XXYLT1: variants seen among roughly 807,000 people sequenced by gnomAD.
The protein encoded by XXYLT1 is UDP-xylose:alpha-xyloside alpha-1,3-xylosyltransferase.
A neutral mutation model predicts 28.9 loss-of-function variants in XXYLT1; 20 were observed. The observed-to-expected ratio is 0.69, with a 90% CI of 0.49 to 1.00. XXYLT1 has a LOEUF of 1.00. XXYLT1 is among the 50% of genes least tolerant of loss of function. The probability of loss-of-function intolerance (pLI) is 0.00; values close to 1 mark genes in which losing one functional copy is unlikely to be tolerated. For synonymous variants in XXYLT1, 257 were observed against 253.8 expected (o/e 1.01, Z -0.12); for missense variants, 542 against 560.1 (o/e 0.97, Z 0.33).
chr3:195,175,593 A>G, intron 2 of XXYLT1: 1 of 1,536,054 alleles, frequency 6.5e-7, no homozygotes. Flanking sequence ...AGCAGGTCTC[A>G]GATGGACACG....
At chr3:195,135,975 TG>T (rs1719173642) in intron 3 of XXYLT1, among the ~76,000 whole-genome samples, 2 of 152,294 alleles carry the variant, frequency 1.3e-5, no homozygotes, top group South Asian at 4.1e-4. Context: ...AAGCTATGAA[TG>T]GCCTGGCTGG....
At chr3:195,151,196 C>T (rs765772905) in intron 3 of XXYLT1, among the ~76,000 whole-genome samples, 11 of 152,082 alleles carry the variant, frequency 7.2e-5, no homozygotes, top group Non-Finnish European at 1.5e-4. Flanking sequence ...GTTTTACAAT[C>T]GTGGGTAGAG....
intron 3 of XXYLT1, among the ~76,000 whole-genome samples, chr3:195,074,004 G>C (rs1389581335): frequency 6.6e-6 from 1 of 152,120 alleles, no homozygotes; most frequent in East Asian, 1.9e-4. Flanking sequence ...CCCCAGTAAA[G>C]GGCACACGTG....
intron 3 of XXYLT1, among the ~76,000 whole-genome samples, chr3:195,114,743 G>C (rs960250937): frequency 6.6e-6 from 1 of 152,234 alleles, no homozygotes; most frequent in African/African-American, 2.4e-5. Context: ...TGTCAAGCTT[G>C]TGACAAGCTT....
chr3:195,161,900 G>A (rs2108693118), intron 2 of XXYLT1, among the ~76,000 whole-genome samples: 1 of 152,104 alleles, frequency 6.6e-6, no homozygotes. Context: ...TTACAGGTGT[G>A]AGCCACCACG....
At chr3:195,263,817 C>A (rs890567372) in intron 1 of XXYLT1, among the ~76,000 whole-genome samples, 1 of 152,142 alleles carries the variant, frequency 6.6e-6, no homozygotes, top group Admixed American at 6.5e-5. Context: ...ACTGAGAACT[C>A]TTCTAGGATA....
chr3:195,134,921 C>T (rs921679959), intron 3 of XXYLT1, among the ~76,000 whole-genome samples: 1 of 151,634 alleles, frequency 6.6e-6, no homozygotes, highest in Middle Eastern at 3.2e-3. Context: ...TTTCCAAAGA[C>T]GACTCAGTAA....
At position 195,078,426 on chromosome 3, in the gene XXYLT1, A is replaced by C. The variant is rs1715246575; in HGVS notation, c.786-8315T>G. On this transcript the variant is annotated intron_variant, in intron 3 of 3. Coordinates refer to ENST00000310380, the MANE Select transcript of XXYLT1 (RefSeq NM_152531.5). This position sits in a 1 kb window ranked among gnomAD's most constrained non-coding sequence, Gnocchi z 5.0. Reference sequence around the variant, plus strand: ...AGCTCCTGCAGAGCCACTGAGCTACACGGGCCTTCCAGCTAGTTCTGCAGG... The same window carrying C: ...AGCTCCTGCAGAGCCACTGAGCTACCCGGGCCTTCCAGCTAGTTCTGCAGG... Among the ~76,000 whole-genome samples the C allele has an allele frequency of 6.6e-6, 1 of 152,026 alleles. No individual in the cohort carries two copies. Among genetic ancestry groups the C allele is most frequent in the Admixed American group, 6.5e-5 (1 of 15,278 alleles).
intron 3 of XXYLT1, among the ~76,000 whole-genome samples, chr3:195,083,987 C>T (rs142141657): frequency 1.3e-5 from 2 of 151,968 alleles, no homozygotes; most frequent in Non-Finnish European, 2.9e-5. Context: ...GATTGCACCA[C>T]GGCACTCCAG....
At position 195,209,384 on chromosome 3, in the gene XXYLT1, G is replaced by A. The variant is rs1183182151; in HGVS notation, c.652+17325C>T. ...GCGTGCTCCTGTCCACACAGGGTGG[G>A]AATCCTCCTCACCCCCTCGGCCCCA... On this transcript the variant is annotated intron_variant, in intron 2 of 3. Coordinates refer to ENST00000310380, the MANE Select transcript of XXYLT1 (RefSeq NM_152531.5). The surrounding 1 kb of genome is among the most constrained non-coding windows in gnomAD (Gnocchi z 5.0). 6.6e-6 allele frequency: 1 copy of A among 152,350 alleles called. No homozygotes were observed. Among genetic ancestry groups the A allele is most frequent in the Non-Finnish European group, 1.5e-5 (1 of 68,146 alleles). The allele number at this position is 152,350 out of a possible 1,614,324, so 9.4% of individuals were successfully genotyped here. A position where few individuals can be genotyped will look rare whatever the true frequency, so the allele number is the denominator to read the frequency against.
In XXYLT1 at chr3:195,271,048, A is replaced by C; in HGVS notation, c.11T>G (p.Leu4Arg). 2.1e-6 allele frequency: 3 copies of C among 1,432,892 alleles called. No individual in the cohort carries two copies. Among genetic ancestry groups the C allele is most frequent in the East Asian group, 3.1e-5 (1 of 32,584 alleles). 88.8% of individuals were successfully genotyped at this position (1,432,892 alleles called of 1,614,324 possible). ...CCGAGCGCATGGGAGCCCGCCTCGG[A>C]GGAGGCCCATGCGCTACGAGACCGC... MGL[L>R]RGGLPCARAM... The change falls in exon 1 of 4, where the codon CTC becomes CGC. Residue 4 changes from leucine to arginine, a missense_variant. Coordinates refer to ENST00000310380, the MANE Select transcript of XXYLT1 (RefSeq NM_152531.5).
rs531711739 is a variant in XXYLT1 at position 195,078,294 on chromosome 3, G to A, written c.786-8183C>T. ...TGACATTTAGGGCGTGGAAGAAGAG[G>A]AGCCAGGAAGATGCAGGGCGTTGGA... On this transcript the variant is annotated intron_variant, in intron 3 of 3. Transcript: ENST00000310380. This position sits in a 1 kb window ranked among gnomAD's most constrained non-coding sequence, Gnocchi z 5.0. 6.6e-6 allele frequency among the ~76,000 whole-genome samples: 1 copy of A among 152,210 alleles called. No homozygotes were observed. The highest frequency in any genetic ancestry group is 6.5e-5 in the Admixed American group (1 of 15,296).
In XXYLT1 at chr3:195,189,312, A is replaced by G. The variant is rs544898461; in HGVS notation, c.653-32731T>C. Among the ~76,000 whole-genome samples the G allele has an allele frequency of 7.2e-5, 11 of 152,342 alleles. No homozygotes were observed. In the East Asian group the frequency reaches 2.1e-3, roughly 29 times the overall value. On this transcript the variant is annotated intron_variant, in intron 2 of 3. Coordinates refer to ENST00000310380, the MANE Select transcript of XXYLT1 (RefSeq NM_152531.5). ...ACCACACATTGCAAGTGAGACAGAC[A>G]TCATAACTTGTCCCAGACAAGTTAC...
intron 1 of XXYLT1, among the ~76,000 whole-genome samples, chr3:195,261,541 G>A (rs187248447): frequency 6.6e-6 from 1 of 152,316 alleles, no homozygotes; most frequent in East Asian, 1.9e-4. Flanking sequence ...ACTTCATACT[G>A]GTAAACATCC....
Position 195,156,707 on chromosome 3 carries a change from C to T in XXYLT1, c.653-126G>A, listed in dbSNP as rs561647064. 9 of 1,256,784 alleles carry T rather than the reference C, an allele frequency of 7.2e-6. No homozygotes were observed. The African/African-American group carries it at 1.0e-4, about 15-fold the overall frequency. The allele number at this position is 1,256,784 out of a possible 1,614,324, so 77.9% of individuals were successfully genotyped here. A position where few individuals can be genotyped will look rare whatever the true frequency, so the allele number is the denominator to read the frequency against. The stretch of plus-strand genomic sequence containing the variant: ...CTCTTACTGTTGTCAGTGAATGATG[C>T]ACAGTTACCGCTGGAACAAAAGGCC... On this transcript the variant is annotated intron_variant, in intron 2 of 3. Coordinates refer to ENST00000310380, the MANE Select transcript of XXYLT1 (RefSeq NM_152531.5).
intron 1 of XXYLT1, among the ~76,000 whole-genome samples, chr3:195,229,314 C>T (rs1724202512): frequency 6.6e-6 from 1 of 152,060 alleles, no homozygotes; most frequent in Non-Finnish European, 1.5e-5. Flanking sequence ...TATTTTCATA[C>T]AAGCATACAA....
intron 3 of XXYLT1, among the ~76,000 whole-genome samples, chr3:195,110,392 T>TGTATAAGTGC (rs1717546279): frequency 2.7e-5 from 1 of 36,838 alleles, no homozygotes; most frequent in African/African-American, 9.8e-5. Flanking sequence ...GTGTGTGTGG[T>TGTATAAGTGC]GTGTTATGTG....
intron 2 of XXYLT1, among the ~76,000 whole-genome samples, chr3:195,170,282 T>C (rs1432746306): frequency 2.6e-5 from 4 of 152,244 alleles, no homozygotes; most frequent in Admixed American, 1.3e-4. Flanking sequence ...AATGGACATA[T>C]ATTGCTTTTG....
At chr3:195,183,815 C>A (rs1331880536) in intron 2 of XXYLT1, among the ~76,000 whole-genome samples, 2 of 152,168 alleles carry the variant, frequency 1.3e-5, no homozygotes, top group African/African-American at 4.8e-5. Flanking sequence ...AGGACTCTAC[C>A]CCTCAACAGT....
Sources: gnomAD v4.1 joint callset for allele counts (sites outside exome capture counted in the v4.1 genomes callset) on GRCh38, gnomAD v4.1.1 for gene constraint, Gnocchi (gnomAD v3.1) non-coding constraint, MANE v1.5 for transcripts, NCBI Gene and HGNC (gene_info 2026-07-23, HGNC 2026-07-21) for gene names.